Variants in HBS1L observed in about 807,000 individuals in gnomAD.
HBS1L encodes HBS1 like translational GTPase.
In HBS1L, 55 loss-of-function variants were observed where a neutral mutation model predicts 88.9. That is an observed-to-expected ratio of 0.62 (90% CI 0.50 to 0.77). The LOEUF is 0.77. Ranked by LOEUF, HBS1L falls within the 30% of genes least tolerant of loss-of-function variation. The pLI is 0.00. For missense variants in HBS1L, 741 were observed against 829.3 expected, an observed-to-expected ratio of 0.89 and a Z score of 1.31; for synonymous variants, 267 against 288.5, an observed-to-expected ratio of 0.93 and a Z score of 0.76.
chr6:135,000,594 G>T (rs1170543837), intron 5 of HBS1L, among the ~76,000 whole-genome samples: 1 of 151,666 alleles, frequency 6.6e-6, no homozygotes, highest in East Asian at 1.9e-4. Context: ...TAAAGAAAAA[G>T]AAAGTTTGCT....
At chr6:135,029,415 CATGAA>C (rs1776325720) in intron 4 of HBS1L, among the ~76,000 whole-genome samples, 1 of 151,350 alleles carries the variant, frequency 6.6e-6, no homozygotes, top group Non-Finnish European at 1.5e-5. Flanking sequence ...CTTAAAAAAT[CATGAA>C]ATGAGAGATA....
intron 4 of HBS1L, among the ~76,000 whole-genome samples, chr6:135,006,114 G>C (rs1261701729): frequency 6.6e-6 from 1 of 152,178 alleles, no homozygotes; most frequent in Non-Finnish European, 1.5e-5. Context: ...GACATTAACT[G>C]CTTCATTAGG....
intron 4 of HBS1L, among the ~76,000 whole-genome samples, chr6:135,011,082 T>C (rs183027459): frequency 4.6e-4 from 70 of 152,292 alleles, no homozygotes; most frequent in Non-Finnish European, 8.2e-4. Context: ...TGGCAATTCA[T>C]TTGGAGAAAA....
In HBS1L at chr6:134,969,576, G is replaced by A. The variant is rs1774422997; in HGVS notation, c.1798-238C>T. Among the ~76,000 whole-genome samples, 3 of 152,180 alleles carry A rather than the reference G, an allele frequency of 2.0e-5. 1 individual carries two copies. The highest frequency in any genetic ancestry group is 2.0e-4 in the Admixed American group (3 of 15,278). Reference sequence around the variant, plus strand: ...CCCACCAATTACTGCATCAACTTTAGTTCAGTGCATAACCTGTCAGCTTTT... The same window carrying A: ...CCCACCAATTACTGCATCAACTTTAATTCAGTGCATAACCTGTCAGCTTTT... On this transcript the variant is annotated intron_variant, in intron 15 of 17. Transcript: ENST00000367837.
intron 4 of HBS1L, among the ~76,000 whole-genome samples, chr6:135,035,123 CA>C (rs1776495252): frequency 6.6e-6 from 1 of 152,080 alleles, no homozygotes; most frequent in Admixed American, 6.5e-5. Context: ...CTGTCAGTAG[CA>C]AAAAGGAAAA....
intron 1 of HBS1L, among the ~76,000 whole-genome samples, chr6:135,052,277 CACAA>C (rs1307889808): frequency 3.3e-5 from 5 of 152,156 alleles, no homozygotes; most frequent in African/African-American, 7.2e-5. Flanking sequence ...AGGGGCCATT[CACAA>C]ACAAAGTATT....
In HBS1L at chr6:135,027,210, AAAAAAAGAAAAG is replaced by A. The variant is rs1296766916; in HGVS notation, c.430+12351_430+12362del. 3.8e-3 allele frequency: 532 copies of A among 141,684 alleles called. 28 individuals carry two copies. The highest frequency in any genetic ancestry group is 0.015 in the African/African-American group (512 of 33,386). 8.8% of individuals were successfully genotyped at this position (141,684 alleles called of 1,614,324 possible). On this transcript the variant is annotated intron_variant, in intron 4 of 17. Coordinates refer to ENST00000367837, the MANE Select transcript of HBS1L (RefSeq NM_006620.4). ...CTCAAAAAAAAAAAAAAAAAAAAAA[AAAAAAAGAAAAG>A]AAAAAATAGCTAACAGAAAAGTATT... is the stretch of plus-strand genomic sequence containing the variant.
At chr6:135,050,024 T>C (rs991164754) in intron 2 of HBS1L, among the ~76,000 whole-genome samples, 2 of 152,274 alleles carry the variant, frequency 1.3e-5, no homozygotes, top group Non-Finnish European at 2.9e-5. Context: ...GTTCTCCTTA[T>C]ATGGTGGCAG....
At chr6:135,036,932 G>C (rs759440756) in intron 4 of HBS1L, 136 of 1,551,360 alleles carry the variant, frequency 8.8e-5, no homozygotes, top group Non-Finnish European at 1.1e-4. Context: ...GCAATGGATG[G>C]GTCTACTACA....
At chr6:134,999,133 C>T (rs1272189054) in intron 5 of HBS1L, among the ~76,000 whole-genome samples, 1 of 152,162 alleles carries the variant, frequency 6.6e-6, no homozygotes, top group Admixed American at 6.5e-5. Flanking sequence ...TGAATCAGAC[C>T]TGGCAGAAAT....
intron 13 of HBS1L, among the ~76,000 whole-genome samples, chr6:134,981,726 A>G (rs762332483): frequency 1.3e-5 from 2 of 151,932 alleles, no homozygotes; most frequent in Non-Finnish European, 2.9e-5. Flanking sequence ...GCTTAGTTGG[A>G]AGCCAGAATA....
Position 135,042,090 on chromosome 6 carries a change from G to C in HBS1L, c.146C>G (p.Ser49Cys). Residue 49 changes from serine (S) to cysteine (C), a missense_variant, in exon 3 of 18, where the codon TCC becomes TGC. Ser to Cys is a moderately radical substitution (Grantham distance 112). Around this residue, in one of 3 missense-constraint regions of HBS1L, gnomAD observed 556 missense variants for 598.4 expected, o/e 0.93. Transcript: ENST00000367837. The stretch of plus-strand genomic sequence containing the variant: ...ATCATATTCTTCCACAGGCTCAACG[G>C]AAGGTTTGTCACGCCGTGAATAAAT... The part of the protein sequence containing the change: ...QFIYSRRDKP[S>C]VEPVEEYDYE... 1 of 1,613,126 alleles carries C rather than the reference G, an allele frequency of 6.2e-7. No homozygotes were observed. The highest frequency in any genetic ancestry group is 8.5e-7 in the Non-Finnish European group (1 of 1,179,498).
intron 1 of HBS1L, among the ~76,000 whole-genome samples, chr6:135,051,143 T>C (rs1777070136): frequency 6.6e-6 from 1 of 151,980 alleles, no homozygotes; most frequent in African/African-American, 2.4e-5. Context: ...GGAGAATCAC[T>C]TGAACCCAGG....
At chr6:135,053,921 AT>A (rs911803430) in intron 1 of HBS1L, among the ~76,000 whole-genome samples, 44 of 152,140 alleles carry the variant, frequency 2.9e-4, no homozygotes, top group African/African-American at 1.4e-4. Flanking sequence ...TTTTTATTTC[AT>A]TTTTTAATAT....
chr6:135,037,612 G>A, intron 4 of HBS1L: 1 of 1,547,060 alleles, frequency 6.5e-7, no homozygotes, highest in Non-Finnish European at 8.7e-7. Context: ...CTTTAAATCT[G>A]GTATTTCTTT....
intron 2 of HBS1L, among the ~76,000 whole-genome samples, chr6:135,045,465 A>G (rs978452017): frequency 3.9e-5 from 6 of 152,328 alleles, no homozygotes; most frequent in Non-Finnish European, 7.3e-5. Flanking sequence ...ATTCATTAAA[A>G]ATACAGATTT....
intron 16 of HBS1L, among the ~76,000 whole-genome samples, chr6:134,966,867 T>G (rs1374602900): frequency 1.4e-5 from 2 of 147,580 alleles, no homozygotes; most frequent in South Asian, 2.1e-4. Context: ...AAAAAGTATT[T>G]GCAAAGAGGA....
Position 134,978,681 on chromosome 6 carries a change from G to A in HBS1L, c.1795C>T (p.Pro599Ser), listed in dbSNP as rs1774723325. Reference protein sequence around the residue: ...NIEIPITKGFPVLLHYQTVSE... With the variant: ...NIEIPITKGFSVLLHYQTVSE... ...TAATAAAACATTTTGGAACTTACAG[G>A]AAATCCTTTAGTGATAGGAATTTCA... The change falls in exon 15 of 18, where the codon CCT (proline) becomes TCT (serine). Residue 599 changes from proline (P) to serine (S), a missense_variant and splice_region_variant. Around this residue, in one of 3 missense-constraint regions of HBS1L, gnomAD observed 181 missense variants for 212.7 expected, o/e 0.85. Transcript: ENST00000367837. 6.6e-7 allele frequency: 1 copy of A among 1,524,892 alleles called. No individual in the cohort carries two copies. The highest frequency in any genetic ancestry group is 2.3e-5 in the East Asian group (1 of 44,138). 94.5% of individuals were successfully genotyped at this position (1,524,892 alleles called of 1,614,324 possible). A position where few individuals can be genotyped will look rare whatever the true frequency, so the allele number is the denominator to read the frequency against.
At chr6:134,973,863 G>A (rs4895436) in intron 15 of HBS1L, among the ~76,000 whole-genome samples, 70,437 of 151,400 alleles carry the variant, frequency 0.47, 16,764 homozygotes, top group South Asian at 0.57. Flanking sequence ...GAACAGTAGT[G>A]ATGACTGCAC....
Sources: allele counts gnomAD v4.1 joint callset (sites outside exome capture counted in the v4.1 genomes callset), GRCh38; gene constraint gnomAD v4.1.1; regional missense constraint gnomAD v4.1.1; transcripts MANE v1.5; gene names NCBI Gene and HGNC (gene_info 2026-07-23, HGNC 2026-07-21).